The following ACVR1B variants were observed in gnomAD, a reference collection of about 807,000 sequenced individuals.
ACVR1B encodes activin receptor type-1B.
A neutral mutation model predicts 55.6 loss-of-function variants in ACVR1B; 15 were observed. The observed-to-expected ratio is 0.27, with a 90% confidence interval of 0.18 to 0.42. ACVR1B has a LOEUF of 0.42. Ranked by LOEUF, ACVR1B falls within the 10% of genes least tolerant of loss-of-function variation. ACVR1B has a pLI of 1.00. For missense variants in ACVR1B, 359 were observed against 670.1 expected (o/e 0.54, Z 5.13); for synonymous variants, 247 against 254.6 (o/e 0.97, Z 0.28).
At chr12:51,968,234 A>C (rs1456416993) in intron 1 of ACVR1B, among the ~76,000 whole-genome samples, 1 of 151,744 alleles carries the variant, frequency 6.6e-6, no homozygotes, top group Non-Finnish European at 1.5e-5. Context: ...ACTGCATCTC[A>C]AAAAAAAAGA....
In ACVR1B at chr12:51,964,091, A is replaced by G. The variant is rs564890662; in HGVS notation, c.92-11174A>G. Among the ~76,000 whole-genome samples the G allele has an allele frequency of 7.2e-5, 11 of 152,336 alleles. No homozygotes were observed. The South Asian group carries it at 2.3e-3, about 32-fold the overall frequency. ...TCATGTGTTTGCAGGCCATTTGTAT[A>G]TCTTCGGAGAAATGTCTGTTCAGGT... On this transcript the variant is annotated intron_variant, in intron 1 of 8. Transcript: ENST00000257963.
chr12:51,952,356 C>G (rs1327482388), intron 1 of ACVR1B, among the ~76,000 whole-genome samples: 1 of 152,146 alleles, frequency 6.6e-6, no homozygotes, highest in Admixed American at 6.5e-5. Context: ...TCTAACCTTT[C>G]CTTCAGGTCC....
chr12:51,995,881 GCTGGTTGTAC>G lies in ACVR1B; in HGVS notation c.*1773_*1782del, dbSNP rs1304885146. The G allele has an allele frequency of 6.6e-6, 1 of 152,626 alleles. No individual in the cohort carries two copies. Among genetic ancestry groups the G allele is most frequent in the East Asian group, 1.9e-4 (1 of 5,194 alleles). 9.5% of individuals were successfully genotyped at this position (152,626 alleles called of 1,614,324 possible). ...CTAGGGCCCTTTCTTGCACTGTCCA[GCTGGTTGTAC>G]CCTCTCCAGGCATTTATTCAACAAA... is the stretch of plus-strand genomic sequence containing the variant. On this transcript the variant is annotated 3_prime_UTR_variant, in exon 9 of 9. Transcript: ENST00000257963.
chr12:51,992,007 C>T lies in ACVR1B; in HGVS notation c.1392+14C>T, dbSNP rs754482546. 6.2e-7 allele frequency: 1 copy of T among 1,614,218 alleles called. No homozygotes were observed. Among genetic ancestry groups the T allele is most frequent in the Non-Finnish European group, 8.5e-7 (1 of 1,180,032 alleles). On this transcript the variant is annotated intron_variant, in intron 8 of 8. Transcript: ENST00000257963. ...CAGAGTTATGAGGTAAGAAGCTGGC[C>T]TCCTGCGGCTTTCCCATCAGCCTGA...
chr12:51,991,327 C>T (rs1942187867), intron 7 of ACVR1B, among the ~76,000 whole-genome samples: 1 of 152,068 alleles, frequency 6.6e-6, no homozygotes, highest in African/African-American at 2.4e-5. Flanking sequence ...TGATGTGACC[C>T]CCAGTAGTCT....
chr12:51,970,782 A>G (rs1376649994), intron 1 of ACVR1B, among the ~76,000 whole-genome samples: 1 of 152,198 alleles, frequency 6.6e-6, no homozygotes, highest in Non-Finnish European at 1.5e-5. Context: ...TGCCCGGTGA[A>G]ATTTGAAAAT....
intron 2 of ACVR1B, among the ~76,000 whole-genome samples, 183 bp downstream of exon 2, chr12:51,975,687 G>T (rs1461371521): frequency 1.3e-5 from 2 of 152,252 alleles, no homozygotes; most frequent in Non-Finnish European, 2.9e-5. Context: ...GGGTGAGGAA[G>T]CAGATTTTCA....
chr12:51,986,933 A>C lies in ACVR1B; in HGVS notation c.1252A>C (p.Asn418His). The change falls in exon 7 of 9, where the codon AAT (asparagine) becomes CAT (histidine). Residue 418 changes from asparagine to histidine, a missense_variant. By Grantham distance (68) the Asn-to-His change is moderately conservative. This residue lies in a region of ACVR1B where 119 missense variants were observed against 340.2 expected (regional missense o/e 0.35). Coordinates refer to ENST00000257963, the MANE Select transcript of ACVR1B (RefSeq NM_004302.5). ...ATATTGGGAGATTGCTCGAAGATGC[A>C]ATTCTGGAGGTACCTTTCTTTTTTG... The part of the protein sequence containing the change: ...LVYWEIARRC[N>H]SGGVHEEYQL... 1.2e-6 allele frequency: 2 copies of C among 1,614,198 alleles called. No homozygotes were observed. Among genetic ancestry groups the C allele is most frequent in the Non-Finnish European group, 1.7e-6 (2 of 1,180,028 alleles).
chr12:51,961,169 T>C (rs1941516604), intron 1 of ACVR1B, among the ~76,000 whole-genome samples: 1 of 152,232 alleles, frequency 6.6e-6, no homozygotes, highest in Non-Finnish European at 1.5e-5. Context: ...TAGTTGGAGT[T>C]GCACTGTTTA....
chr12:51,984,798 C>G (rs924129462), intron 5 of ACVR1B, among the ~76,000 whole-genome samples: 3 of 152,190 alleles, frequency 2.0e-5, no homozygotes, highest in Non-Finnish European at 4.4e-5. Flanking sequence ...TGCCAGTTCT[C>G]ATCATCGGGC....
intron 1 of ACVR1B, among the ~76,000 whole-genome samples, chr12:51,961,889 C>A (rs76521089): frequency 0.018 from 2,699 of 152,318 alleles, 86 homozygotes; most frequent in African/African-American, 0.062. Context: ...TGGACACACT[C>A]CCTCATAATG....
chr12:51,976,246 C>T (rs1424354117), intron 2 of ACVR1B, 81 bp from the exon 3 acceptor site: 7 of 1,538,328 alleles, frequency 4.6e-6, no homozygotes, highest in Non-Finnish European at 6.2e-6. Context: ...CTTTTTCACT[C>T]TTCACTTTGA....
intron 7 of ACVR1B, among the ~76,000 whole-genome samples, chr12:51,987,932 G>A (rs1313029953): frequency 6.6e-6 from 1 of 152,142 alleles, no homozygotes; most frequent in Non-Finnish European, 1.5e-5. Context: ...TTGCATGCCT[G>A]TATCAAAACA....
At chr12:51,988,834 C>T (rs1050856356) in intron 7 of ACVR1B, among the ~76,000 whole-genome samples, 1 of 152,174 alleles carries the variant, frequency 6.6e-6, no homozygotes, top group African/African-American at 2.4e-5. Flanking sequence ...AAAAATATTT[C>T]CCAGGCTGGG....
chr12:51,952,640 C>T (rs1941324450), intron 1 of ACVR1B, among the ~76,000 whole-genome samples: 1 of 152,144 alleles, frequency 6.6e-6, no homozygotes, highest in Non-Finnish European at 1.5e-5. Context: ...TCCTCGCCTC[C>T]CCCACCCTAC....
At chr12:51,968,660 G>A (rs1313344128) in intron 1 of ACVR1B, among the ~76,000 whole-genome samples, 1 of 152,204 alleles carries the variant, frequency 6.6e-6, no homozygotes, top group Admixed American at 6.5e-5. Flanking sequence ...GCTGCTAGAA[G>A]GATACAGTTT....
Position 51,993,972 on chromosome 12 carries a change from G to C in ACVR1B, c.1393-13G>C. The C allele has an allele frequency of 6.2e-7, 1 of 1,613,612 alleles. No homozygotes were observed. The stretch of plus-strand genomic sequence containing the variant: ...GGCATGACCGAGCTGATGGCTCCTG[G>C]GTCTCTGCACAGGCACTGCGGGTGA... On this transcript the variant is annotated splice_polypyrimidine_tract_variant and intron_variant, in intron 8 of 8. Transcript: ENST00000257963.
chr12:51,974,444 A>G (rs182501900), intron 1 of ACVR1B, among the ~76,000 whole-genome samples: 77 of 152,176 alleles, frequency 5.1e-4, no homozygotes, highest in African/African-American at 1.8e-3. Flanking sequence ...TATGTATGAT[A>G]GTTACCCAGC....
chr12:51,986,345 G>A (rs1007646762), intron 6 of ACVR1B, among the ~76,000 whole-genome samples: 1 of 152,142 alleles, frequency 6.6e-6, no homozygotes, highest in Admixed American at 6.5e-5. Flanking sequence ...TGCAGCCTCC[G>A]CCTCCCGGGT....
Sources: gnomAD v4.1 joint callset for allele counts (sites outside exome capture counted in the v4.1 genomes callset) on GRCh38, gnomAD v4.1.1 for gene constraint, gnomAD v4.1.1 regional missense constraint, MANE v1.5 for transcripts, NCBI Gene and HGNC (gene_info 2026-07-23, HGNC 2026-07-21) for gene names.